The following SLCO2B1 variants were observed in gnomAD, a reference collection of about 807,000 sequenced individuals.
The protein encoded by SLCO2B1 is OATP-RP2.
SLCO2B1 carries 41 observed loss-of-function variants against 67.3 expected under a neutral mutation model. That is an observed-to-expected ratio of 0.61 (90% confidence interval 0.47 to 0.79). The LOEUF (loss-of-function observed/expected upper bound fraction) is 0.79, where lower values mean the gene tolerates loss of function less well. Ranked by LOEUF, SLCO2B1 falls within the 30% of genes least tolerant of loss-of-function variation. The probability of loss-of-function intolerance (pLI) is 0.00; values close to 1 mark genes in which losing one functional copy is unlikely to be tolerated. For synonymous variants in SLCO2B1, 379 were observed against 381.4 expected (o/e 0.99, Z 0.07); for missense variants, 837 against 920.1 (o/e 0.91, Z 1.17).
At chr11:75,200,446 G>T in intron 11 of SLCO2B1, 59 bp downstream of exon 11, 1 of 1,487,512 alleles carries the variant, frequency 6.7e-7, no homozygotes, top group Non-Finnish European at 9.0e-7. Flanking sequence ...ACCACAGGCA[G>T]AACAAGGAAT....
At chr11:75,185,333 G>A (rs905137566) in intron 7 of SLCO2B1, among the ~76,000 whole-genome samples, 1 of 152,114 alleles carries the variant, frequency 6.6e-6, no homozygotes, top group Admixed American at 6.5e-5. Context: ...GCAGAACCAG[G>A]AAGCCCAAAT....
intron 7 of SLCO2B1, among the ~76,000 whole-genome samples, chr11:75,180,852 A>G (rs1470609096): frequency 6.6e-6 from 1 of 152,232 alleles, no homozygotes; most frequent in Non-Finnish European, 1.5e-5. Context: ...GAGATTAAGT[A>G]ACCTGGTCAC....
intron 7 of SLCO2B1, among the ~76,000 whole-genome samples, chr11:75,187,614 G>GATC (rs1220963021): frequency 4.6e-5 from 7 of 152,150 alleles, no homozygotes; most frequent in South Asian, 2.1e-4. Context: ...TGATGATTCT[G>GATC]ATCATCATCA....
At chr11:75,156,786 G>A (rs1165809407) in intron 1 of SLCO2B1, among the ~76,000 whole-genome samples, 1 of 152,206 alleles carries the variant, frequency 6.6e-6, no homozygotes, top group African/African-American at 2.4e-5. Flanking sequence ...TGCTAAACAA[G>A]GGGTGGATTA....
chr11:75,206,043 A>C lies in SLCO2B1; in HGVS notation c.*1463A>C, dbSNP rs186902244. On this transcript the variant is annotated 3_prime_UTR_variant, in exon 14 of 14. Coordinates refer to ENST00000289575, the MANE Select transcript of SLCO2B1 (RefSeq NM_007256.5). ...AGAAAAGGGAGGTACAGAAGTTCCA[A>C]TTCCCTTTTTATTTTGCTGGTTGGT... The C allele has an allele frequency of 2.6e-4, 40 of 152,306 alleles. No homozygotes were observed. The highest frequency in any genetic ancestry group is 9.4e-4 in the African/African-American group (39 of 41,554). The allele number at this position is 152,306 out of a possible 1,614,324, so 9.4% of individuals were successfully genotyped here.
chr11:75,179,255 T>G (rs1190699301), intron 7 of SLCO2B1, among the ~76,000 whole-genome samples: 3 of 112,180 alleles, frequency 2.7e-5, no homozygotes, highest in African/African-American at 3.6e-5. Flanking sequence ...TGAGACAGAG[T>G]CTCTCTCTCT....
At chr11:75,182,514 G>A (rs1047919316) in intron 7 of SLCO2B1, among the ~76,000 whole-genome samples, 1 of 152,198 alleles carries the variant, frequency 6.6e-6, no homozygotes, top group African/African-American at 2.4e-5. Flanking sequence ...ATGCCAAGGC[G>A]GCCAGATCAC....
At position 75,203,779 on chromosome 11, in the gene SLCO2B1, C is replaced by T. The variant is rs1034331852; in HGVS notation, c.1949+352C>T. The T allele has an allele frequency of 4.5e-5, 10 of 220,994 alleles. No individual in the cohort carries two copies. The Admixed American group carries it at 4.8e-4, about 11-fold the overall frequency. The allele number at this position is 220,994 out of a possible 1,614,324, so 13.7% of individuals were successfully genotyped here. On this transcript the variant is annotated intron_variant, in intron 13 of 13. Transcript: ENST00000289575. The stretch of plus-strand genomic sequence containing the variant: ...GCTGGGGAGAAAGCCCTGTCTAGGA[C>T]ACAGGAGGCCTGGGTTTCAGGCCCA...
Position 75,151,245 on chromosome 11 carries a change from C to A in SLCO2B1, c.-137C>A. ...GAACTGACCCCGTGTCTGGAGCTCC[C>A]ACCGTTATTGCATCCCTGCTGTGGC... On this transcript the variant is annotated 5_prime_UTR_variant, in exon 1 of 14. Coordinates refer to ENST00000289575, the MANE Select transcript of SLCO2B1 (RefSeq NM_007256.5). The A allele has an allele frequency of 7.0e-6, 5 of 709,406 alleles. No individual in the cohort carries two copies. Among genetic ancestry groups the A allele is most frequent in the Non-Finnish European group, 1.2e-5 (5 of 410,358 alleles). 43.9% of individuals were successfully genotyped at this position (709,406 alleles called of 1,614,324 possible). A position where few individuals can be genotyped will look rare whatever the true frequency, so the allele number is the denominator to read the frequency against.
intron 4 of SLCO2B1, among the ~76,000 whole-genome samples, chr11:75,168,372 G>A (rs1158855485): frequency 6.6e-6 from 1 of 152,150 alleles, no homozygotes; most frequent in African/African-American, 2.4e-5. Flanking sequence ...GTGCTGGGTT[G>A]ACACAGCTCA....
At chr11:75,163,855 G>C in intron 2 of SLCO2B1, 108 bp from the exon 3 acceptor site, 1 of 1,301,946 alleles carries the variant, frequency 7.7e-7, no homozygotes, top group Non-Finnish European at 1.0e-6. Context: ...GTCTCTTTCT[G>C]TGACTCTGTT....
At chr11:75,169,132 C>T in intron 4 of SLCO2B1, 41 bp from the exon 5 acceptor site, 4 of 1,520,400 alleles carry the variant, frequency 2.6e-6, no homozygotes, top group Non-Finnish European at 1.8e-6. Flanking sequence ...CTATTTAAGT[C>T]TTAGCTATTG....
At chr11:75,157,574 A>T (rs1949759950) in intron 1 of SLCO2B1, among the ~76,000 whole-genome samples, 1 of 152,108 alleles carries the variant, frequency 6.6e-6, no homozygotes, top group South Asian at 2.1e-4. Flanking sequence ...ATGGAAGGGG[A>T]TGGATCCAGC....
chr11:75,190,900 G>A (rs905394219), intron 8 of SLCO2B1, among the ~76,000 whole-genome samples: 2 of 152,232 alleles, frequency 1.3e-5, no homozygotes, highest in African/African-American at 4.8e-5. Context: ...TCATGGCAAA[G>A]GTCTGCCTCA....
chr11:75,171,094 A>T (rs1255787775), intron 6 of SLCO2B1, among the ~76,000 whole-genome samples: 1 of 152,146 alleles, frequency 6.6e-6, no homozygotes, highest in Non-Finnish European at 1.5e-5. Context: ...GATAACAAGT[A>T]AGGAGAGAAT....
At chr11:75,179,068 A>G (rs1950061401) in intron 7 of SLCO2B1, among the ~76,000 whole-genome samples, 1 of 152,184 alleles carries the variant, frequency 6.6e-6, no homozygotes, top group Admixed American at 6.5e-5. Context: ...TGGTGCTGCA[A>G]TAAGCGTGAG....
rs1591842232 is a variant in SLCO2B1, at chr11:75,204,783, T to G, written c.*203T>G. 2 of 420,516 alleles carry G rather than the reference T, an allele frequency of 4.8e-6. No homozygotes were observed. The highest frequency in any genetic ancestry group is 7.6e-5 in the East Asian group (2 of 26,420). The allele number at this position is 420,516 out of a possible 1,614,324, so 26.0% of individuals were successfully genotyped here. A position where few individuals can be genotyped will look rare whatever the true frequency, so the allele number is the denominator to read the frequency against. ...CAAAGAGTTGTTTGGGCATTTGCTG[T>G]GTTGGCCATTTCTGGAGCAAGAGGG... On this transcript the variant is annotated 3_prime_UTR_variant, in exon 14 of 14. Transcript: ENST00000289575.
intron 1 of SLCO2B1, among the ~76,000 whole-genome samples, chr11:75,154,919 A>G (rs1464637038): frequency 2.6e-5 from 4 of 152,214 alleles, no homozygotes; most frequent in South Asian, 2.1e-4. Flanking sequence ...GGAACAGAGC[A>G]TGGCCTTGAG....
intron 7 of SLCO2B1, among the ~76,000 whole-genome samples, chr11:75,184,503 G>T (rs1391508010): frequency 6.6e-6 from 1 of 152,214 alleles, no homozygotes; most frequent in Non-Finnish European, 1.5e-5. Flanking sequence ...CAAAGGTCCT[G>T]TGTCTTACAC....
Sources: allele counts gnomAD v4.1 joint callset (sites outside exome capture counted in the v4.1 genomes callset), GRCh38; gene constraint gnomAD v4.1.1; transcripts MANE v1.5; gene names NCBI Gene and HGNC (gene_info 2026-07-23, HGNC 2026-07-21).